IL1RAPL2: variants seen among roughly 807,000 people sequenced by gnomAD.
The protein encoded by IL1RAPL2 is interleukin 1 receptor accessory protein like 2.
In IL1RAPL2, 3 loss-of-function variants were observed where a neutral mutation model predicts 44.1. The ratio of observed to expected loss-of-function variants is 0.07; its 90% CI spans 0.03 to 0.18. The LOEUF (loss-of-function observed/expected upper bound fraction) is 0.18, where lower values mean the gene tolerates loss of function less well. IL1RAPL2 is among the 10% of genes least tolerant of loss of function. The pLI is 1.00. For missense variants in IL1RAPL2, 391 were observed against 496.4 expected, an observed-to-expected ratio of 0.79 and a Z score of 2.02; for synonymous variants, 181 against 178.8, an observed-to-expected ratio of 1.01 and a Z score of -0.10.
At chrX:105,748,812 A>G (rs953618361) in intron 8 of IL1RAPL2, 148 bp from the exon 9 acceptor site, 2 of 451,184 alleles carry the variant, frequency 4.4e-6, no homozygotes, top group Non-Finnish European at 7.4e-6. Flanking sequence ...GATTCATACA[A>G]ATGTATCAAG....
At chrX:105,590,822 TG>T in intron 6 of IL1RAPL2, among the ~76,000 whole-genome samples, 1 of 101,724 alleles carries the variant, frequency 9.8e-6, no homozygotes, top group Admixed American at 1.0e-4. Context: ...TTTGTGTGTG[TG>T]TGTGTGTGTG....
At chrX:105,594,022 G>C (rs965826695) in intron 6 of IL1RAPL2, among the ~76,000 whole-genome samples, 2 of 111,885 alleles carry the variant, frequency 1.8e-5, no homozygotes, top group Non-Finnish European at 3.8e-5. Context: ...TTGCTTTATG[G>C]TCTGGCATAT....
intron 2 of IL1RAPL2, among the ~76,000 whole-genome samples, chrX:104,975,054 CT>C (rs371534042): frequency 1.8e-5 from 2 of 111,485 alleles, no homozygotes; most frequent in South Asian, 3.7e-4. Context: ...TTGGCTATTT[CT>C]TTTTTTTCAT....
intron 2 of IL1RAPL2, among the ~76,000 whole-genome samples, chrX:105,168,022 T>C (rs771552456): frequency 9.9e-4 from 110 of 111,471 alleles, no homozygotes; most frequent in African/African-American, 3.5e-3. Flanking sequence ...TCGGTATATC[T>C]GATTCTTAAC....
At chrX:105,616,492 G>T (rs1286914878) in intron 6 of IL1RAPL2, among the ~76,000 whole-genome samples, 1 of 111,674 alleles carries the variant, frequency 9.0e-6, no homozygotes, top group African/African-American at 3.2e-5. Flanking sequence ...GTGTAAAGTG[G>T]TATGTCATTG....
intron 2 of IL1RAPL2, among the ~76,000 whole-genome samples, chrX:104,877,570 G>A (rs1212131975): frequency 1.8e-5 from 2 of 112,360 alleles, no homozygotes; most frequent in Non-Finnish European, 3.8e-5. Flanking sequence ...ATTTTTGCAT[G>A]TCACTTTTTG....
intron 1 of IL1RAPL2, among the ~76,000 whole-genome samples, chrX:104,577,699 A>G (rs1928268170): frequency 9.0e-6 from 1 of 111,217 alleles, no homozygotes; most frequent in Non-Finnish European, 1.9e-5. Flanking sequence ...AGGAGGACAC[A>G]AGAGCAGGGT....
At chrX:104,829,706 G>A (rs556184706) in intron 2 of IL1RAPL2, among the ~76,000 whole-genome samples, 9 of 112,568 alleles carry the variant, frequency 8.0e-5, no homozygotes, top group Non-Finnish European at 1.3e-4. Context: ...ACGTTTTAAT[G>A]TATAGCATTT....
intron 2 of IL1RAPL2, among the ~76,000 whole-genome samples, chrX:104,686,803 A>C (rs113009014): frequency 4.3e-4 from 48 of 112,147 alleles, no homozygotes; most frequent in African/African-American, 1.6e-3. Context: ...CACCGTTTAA[A>C]CCAACGTTCT....
At chrX:105,151,548 G>C (rs2033228131) in intron 2 of IL1RAPL2, among the ~76,000 whole-genome samples, 1 of 109,377 alleles carries the variant, frequency 9.1e-6, no homozygotes, top group Non-Finnish European at 1.9e-5. Context: ...TGGTTTGTTT[G>C]TTTTAGTCTA....
intron 5 of IL1RAPL2, among the ~76,000 whole-genome samples, chrX:105,381,372 G>A (rs1264949931): frequency 1.8e-5 from 2 of 111,218 alleles, no homozygotes; most frequent in Admixed American, 9.6e-5. Flanking sequence ...TCTTCCTCTC[G>A]TATCTATCTT....
chrX:104,799,432 C>T (rs1179662926), intron 2 of IL1RAPL2, among the ~76,000 whole-genome samples: 1 of 111,100 alleles, frequency 9.0e-6, no homozygotes, highest in Non-Finnish European at 1.9e-5. Context: ...ATCCCTAGAA[C>T]TTCTGACTTA....
At chrX:105,741,629 A>G (rs1164598532) in intron 8 of IL1RAPL2, among the ~76,000 whole-genome samples, 1 of 111,645 alleles carries the variant, frequency 9.0e-6, no homozygotes, top group African/African-American at 3.3e-5. Flanking sequence ...GAGAGGAATC[A>G]TTATTCTGAA....
At chrX:105,748,244 G>A (rs2038566420) in intron 8 of IL1RAPL2, among the ~76,000 whole-genome samples, 1 of 112,073 alleles carries the variant, frequency 8.9e-6, no homozygotes, top group African/African-American at 3.2e-5. Flanking sequence ...GAGTTCTAGG[G>A]ATGCCCCCCT....
chrX:105,047,336 A>T (rs2031853531), intron 2 of IL1RAPL2, among the ~76,000 whole-genome samples: 1 of 111,759 alleles, frequency 8.9e-6, no homozygotes, highest in African/African-American at 3.3e-5. Flanking sequence ...TTGAACCTCT[A>T]TGTATGCTCG....
rs766032566 is a variant in IL1RAPL2, at chrX:104,577,186, A to G, written c.-20+10135A>G. Among the ~76,000 whole-genome samples the G allele has an allele frequency of 4.5e-5, 5 of 112,045 alleles. No individual in the cohort carries two copies. In the South Asian group the frequency reaches 1.8e-3, roughly 41 times the overall value. On this transcript the variant is annotated intron_variant, in intron 1 of 10. Transcript: ENST00000372582. Reference sequence around the variant, plus strand: ...ATTGGATCCTGTGTTTAAGAGTTCCATGTCCTCAGTTATCCTCTGTTTTCT... The same window carrying G: ...ATTGGATCCTGTGTTTAAGAGTTCCGTGTCCTCAGTTATCCTCTGTTTTCT...
chrX:105,102,617 T>C lies in IL1RAPL2; in HGVS notation c.83-92858T>C, dbSNP rs144461953. Among the ~76,000 whole-genome samples the C allele has an allele frequency of 2.1e-3, 233 of 111,868 alleles. 4 individuals are homozygous for C. In the East Asian group the frequency reaches 0.058, roughly 28 times the overall value. ...ACATGAATGTATGTTTCAGTCTCTT[T>C]GTGATTGAAACATAAACACATGTAT... On this transcript the variant is annotated intron_variant, in intron 2 of 10. Coordinates refer to ENST00000372582, the MANE Select transcript of IL1RAPL2 (RefSeq NM_017416.2).
At chrX:104,870,520 T>C (rs1922732967) in intron 2 of IL1RAPL2, among the ~76,000 whole-genome samples, 1 of 112,391 alleles carries the variant, frequency 8.9e-6, no homozygotes, top group Admixed American at 9.4e-5. Context: ...GTTAAGTAAC[T>C]GGCTCAAATC....
intron 2 of IL1RAPL2, among the ~76,000 whole-genome samples, chrX:104,825,926 T>G (rs1921438289): frequency 9.0e-6 from 1 of 111,480 alleles, no homozygotes; most frequent in African/African-American, 3.3e-5. Flanking sequence ...TTTGACATGT[T>G]TATGCATGCT....
Sources: allele counts gnomAD v4.1 joint callset (sites outside exome capture counted in the v4.1 genomes callset), GRCh38; gene constraint gnomAD v4.1.1; transcripts MANE v1.5; gene names NCBI Gene and HGNC (gene_info 2026-07-23, HGNC 2026-07-21).